Variants in RALGAPB observed in about 807,000 individuals in gnomAD.
RALGAPB encodes the protein Ral GTPase activating protein non-catalytic subunit beta, also known as ral GTPase-activating protein subunit beta.
Under a neutral mutation model 161.1 loss-of-function variants are expected in RALGAPB, and 25 were observed. The ratio of observed to expected loss-of-function variants is 0.16; its 90% CI spans 0.11 to 0.22. RALGAPB has a LOEUF of 0.22. Ranked by LOEUF, RALGAPB falls within the 10% of genes least tolerant of loss-of-function variation. The pLI, the probability that RALGAPB is intolerant of heterozygous loss-of-function variation, is 1.00. For synonymous variants in RALGAPB, 629 were observed against 626.1 expected (o/e 1.00, Z -0.07); for missense variants, 1,391 against 1,815.2 (o/e 0.77, Z 4.25).
In RALGAPB at chr20:38,577,723, A is replaced by ACG. The variant is rs2088488680; in HGVS notation, c.*2757_*2758insGC. The ACG allele has an allele frequency of 1.3e-5, 2 of 152,690 alleles. No homozygotes were observed. Among genetic ancestry groups the ACG allele is most frequent in the African/African-American group, 4.8e-5 (2 of 41,310 alleles). 9.5% of individuals were successfully genotyped at this position (152,690 alleles called of 1,614,324 possible). A position where few individuals can be genotyped will look rare whatever the true frequency, so the allele number is the denominator to read the frequency against. ...GACACACACACACACACACACACACACACACACACTCGCATACTCATGCAC... is the reference window on the plus strand; with the variant it reads ...GACACACACACACACACACACACACACGCACACACACTCGCATACTCATGCAC... On this transcript the variant is annotated 3_prime_UTR_variant, in exon 30 of 30. Coordinates refer to ENST00000262879, the MANE Select transcript of RALGAPB (RefSeq NM_020336.4).
intron 9 of RALGAPB, among the ~76,000 whole-genome samples, chr20:38,520,524 C>CTTTTTTTTTTTTTTTTT (rs775371608): frequency 1.4e-5 from 1 of 70,306 alleles, no homozygotes; most frequent in African/African-American, 5.8e-5. Context: ...TGTGTTTTGG[C>CTTTTTTTTTTTTTTTTT]TTTTTTTTTT....
chr20:38,489,489 A>C (rs2085214026), intron 2 of RALGAPB, among the ~76,000 whole-genome samples: 3 of 152,154 alleles, frequency 2.0e-5, no homozygotes, highest in Admixed American at 1.3e-4. Flanking sequence ...GGCTGAAGTT[A>C]AAAAGTTGCC....
chr20:38,554,902 A>AC (rs539552780), intron 22 of RALGAPB, among the ~76,000 whole-genome samples: 141 of 151,876 alleles, frequency 9.3e-4, no homozygotes, highest in East Asian at 4.1e-3. Context: ...ACATAGCGAG[A>AC]CCCCCCCATC....
intron 16 of RALGAPB, among the ~76,000 whole-genome samples, chr20:38,538,817 G>T (rs986923770): frequency 6.6e-6 from 1 of 152,160 alleles, no homozygotes; most frequent in Non-Finnish European, 1.5e-5. Flanking sequence ...GTTAAATGGA[G>T]CCACCATTTT....
chr20:38,531,285 A>T, intron 14 of RALGAPB, 54 bp downstream of exon 14: 1 of 1,411,832 alleles, frequency 7.1e-7, no homozygotes, highest in South Asian at 1.2e-5. Flanking sequence ...ATTTCATGTA[A>T]ATTATATTCC....
chr20:38,539,308 G>A (rs1332431945), intron 16 of RALGAPB, among the ~76,000 whole-genome samples: 4 of 152,146 alleles, frequency 2.6e-5, no homozygotes, highest in South Asian at 4.1e-4. Context: ...AGATACATCC[G>A]CTGTCGATTG....
chr20:38,565,376 G>A lies in RALGAPB; in HGVS notation c.3715G>A (p.Asp1239Asn). The A allele has an allele frequency of 1.2e-6, 2 of 1,613,450 alleles. No individual in the cohort carries two copies. The highest frequency in any genetic ancestry group is 1.7e-6 in the Non-Finnish European group (2 of 1,179,598). Residue 1239 changes from aspartate to asparagine, a missense_variant, in exon 25 of 30, where the codon GAT (aspartate) becomes AAT (asparagine). By Grantham distance (23) the Asp-to-Asn change is conservative. This residue lies in a region of RALGAPB where 436 missense variants were observed against 527.0 expected (regional missense o/e 0.83). Coordinates refer to ENST00000262879, the MANE Select transcript of RALGAPB (RefSeq NM_020336.4). ...CCCAGAAGAAGTGATTTCCTCTGAA[G>A]ATATTGGAGCTAGCATTTTCAATGG... Reference protein sequence around the residue: ...GSQQEVISSEDIGASIFNGQK... With the variant: ...GSQQEVISSENIGASIFNGQK...
At chr20:38,538,664 A>C (rs1427943988) in intron 16 of RALGAPB, among the ~76,000 whole-genome samples, 2 of 152,232 alleles carry the variant, frequency 1.3e-5, no homozygotes, top group Non-Finnish European at 2.9e-5. Flanking sequence ...CACATGAAAA[A>C]AATACTCAAT....
At position 38,497,475 on chromosome 20, in the gene RALGAPB, T is replaced by G. The variant is rs1166636897; in HGVS notation, c.512T>G (p.Leu171Arg). ...TGGGAAGTCTTACTGTTGTTTCTTC[T>G]GCAGATTAACGACATACTTCTGGCC... ...ETWEVLLLFL[L>R]QINDILLAPP... is the part of the protein sequence containing the mutation. Residue 171 changes from leucine (L) to arginine (R), a missense_variant, in exon 4 of 30, where the codon CTG (leucine) becomes CGG (arginine). Physicochemically the swap from Leu to Arg is moderately radical, Grantham distance 102 (BLOSUM62 -2). This residue lies in a region of RALGAPB where 946 missense variants were observed against 1,257.2 expected (regional missense o/e 0.75). Transcript: ENST00000262879. 1 of 1,614,184 alleles carries G rather than the reference T, an allele frequency of 6.2e-7. No individual in the cohort carries two copies.
chr20:38,563,665 T>C (rs1395308115), intron 24 of RALGAPB, among the ~76,000 whole-genome samples: 1 of 152,240 alleles, frequency 6.6e-6, no homozygotes, highest in African/African-American at 2.4e-5. Flanking sequence ...TTTTTCCTTT[T>C]GATAAATATA....
At position 38,521,548 on chromosome 20, in the gene RALGAPB, C is replaced by T; in HGVS notation, c.1469C>T (p.Ser490Phe). 1 of 1,614,110 alleles carries T rather than the reference C, an allele frequency of 6.2e-7. No homozygotes were observed. Among genetic ancestry groups the T allele is most frequent in the Non-Finnish European group, 8.5e-7 (1 of 1,180,008 alleles). ...TTTCGACGGAAAGGGTCACAAATGT[C>T]CACAGACACCATGGTTTCCAATCCT... The part of the protein sequence containing the change: ...MEFRRKGSQM[S>F]TDTMVSNPMF... The change falls in exon 10 of 30, where the codon TCC becomes TTC. Residue 490 changes from serine to phenylalanine, a missense_variant. This residue lies in a region of RALGAPB where 946 missense variants were observed against 1,257.2 expected (regional missense o/e 0.75). Coordinates refer to ENST00000262879, the MANE Select transcript of RALGAPB (RefSeq NM_020336.4).
Position 38,534,971 on chromosome 20 carries a change from CTG to C in RALGAPB, c.2246-100_2246-99del, listed in dbSNP as rs370888696. On this transcript the variant is annotated intron_variant, in intron 15 of 29. Coordinates refer to ENST00000262879, the MANE Select transcript of RALGAPB (RefSeq NM_020336.4). ...ACTGTGTGGGTGCCCGTCGTTCTCACTGTGGCTGCTGTGGTCTGTGCCTAGTG... is the reference window on the plus strand; with the variant it reads ...ACTGTGTGGGTGCCCGTCGTTCTCACTGGCTGCTGTGGTCTGTGCCTAGTG... 5.4e-3 allele frequency: 7,584 copies of C among 1,392,166 alleles called. 32 individuals carry two copies. The highest frequency in any genetic ancestry group is 0.019 in the Middle Eastern group (74 of 3,936). The allele number at this position is 1,392,166 out of a possible 1,614,324, so 86.2% of individuals were successfully genotyped here.
chr20:38,525,624 T>G, intron 12 of RALGAPB, 106 bp downstream of exon 12: 1 of 929,218 alleles, frequency 1.1e-6, no homozygotes, highest in African/African-American at 1.7e-5. Flanking sequence ...TATTTTTCAA[T>G]TCAAGTTATT....
intron 5 of RALGAPB, among the ~76,000 whole-genome samples, chr20:38,507,656 G>A (rs1309328098): frequency 1.3e-5 from 2 of 151,968 alleles, no homozygotes; most frequent in African/African-American, 4.8e-5. Context: ...TGGGATTGGA[G>A]TGCAGGCGTG....
At position 38,554,000 on chromosome 20, in the gene RALGAPB, C is replaced by T. The variant is rs138852733; in HGVS notation, c.3296C>T (p.Pro1099Leu). 7.4e-6 allele frequency: 12 copies of T among 1,613,662 alleles called. No individual in the cohort carries two copies. The highest frequency in any genetic ancestry group is 2.2e-5 in the East Asian group (1 of 44,890). The change falls in exon 22 of 30, where the codon CCG (proline) becomes CTG (leucine). Residue 1099 changes from proline (P) to leucine (L), a missense_variant. Pro to Leu is a moderately conservative substitution (Grantham distance 98). This residue lies in a region of RALGAPB where 436 missense variants were observed against 527.0 expected (regional missense o/e 0.83). Transcript: ENST00000262879. ...GACCCAGTTACGGATTGCAAGCCCC[C>T]GCCTCCTGCCCAGGAATTCCAAACA... ...FPDPVTDCKP[P>L]PPAQEFQTAR...
intron 29 of RALGAPB, among the ~76,000 whole-genome samples, 159 bp downstream of exon 29, chr20:38,574,457 T>C (rs1046376717): frequency 3.9e-5 from 6 of 152,232 alleles, no homozygotes; most frequent in African/African-American, 1.4e-4. Flanking sequence ...TTTCGTTCTT[T>C]TTAAATCTGT....
At chr20:38,511,968 C>T (rs2085974625) in intron 6 of RALGAPB, among the ~76,000 whole-genome samples, 1 of 152,086 alleles carries the variant, frequency 6.6e-6, no homozygotes, top group Non-Finnish European at 1.5e-5. Flanking sequence ...TGCCCCCCAC[C>T]TCCCGGACGG....
At chr20:38,536,174 C>T (rs761021605) in intron 16 of RALGAPB, among the ~76,000 whole-genome samples, 12 of 152,200 alleles carry the variant, frequency 7.9e-5, no homozygotes, top group Non-Finnish European at 1.2e-4. Flanking sequence ...ACCACCATTT[C>T]ATCTCAATGG....
intron 6 of RALGAPB, among the ~76,000 whole-genome samples, chr20:38,512,445 A>G (rs2085989625): frequency 6.6e-6 from 1 of 152,268 alleles, no homozygotes; most frequent in African/African-American, 2.4e-5. Flanking sequence ...TTTAATCTAC[A>G]TAATGGGAAT....
Sources: gnomAD v4.1 joint callset for allele counts (sites outside exome capture counted in the v4.1 genomes callset) on GRCh38, gnomAD v4.1.1 for gene constraint, gnomAD v4.1.1 regional missense constraint, MANE v1.5 for transcripts, NCBI Gene and HGNC (gene_info 2026-07-23, HGNC 2026-07-21) for gene names.